The following MYH8 variants were observed in gnomAD, a reference collection of about 807,000 sequenced individuals.
The protein encoded by MYH8 is myosin-8.
MYH8 carries 168 observed loss-of-function variants against 233.2 expected under a neutral mutation model. The observed-to-expected ratio is 0.72, with a 90% CI of 0.64 to 0.82. The LOEUF (loss-of-function observed/expected upper bound fraction) is 0.82. Ranked by LOEUF, MYH8 falls within the 40% of genes least tolerant of loss-of-function variation. The probability of loss-of-function intolerance (pLI) is 0.00; values close to 1 mark genes in which losing one functional copy is unlikely to be tolerated. For synonymous variants in MYH8, 785 were observed against 850.6 expected (o/e 0.92, Z 1.34); for missense variants, 1,995 against 2,327.8 (o/e 0.86, Z 2.94).
chr17:10,392,185 C>T (rs1191466796), intron 38 of MYH8, among the ~76,000 whole-genome samples: 4 of 152,160 alleles, frequency 2.6e-5, no homozygotes, highest in Non-Finnish European at 5.9e-5. Flanking sequence ...ACATCCTCTC[C>T]AGTCCTTACC....
Position 10,409,178 on chromosome 17 carries a change from A to C in MYH8, c.1898-14T>G. 6.2e-7 allele frequency: 1 copy of C among 1,614,194 alleles called. No individual in the cohort carries two copies. ...TCGCGCTGCTATCTGAGGTAAAAAG[A>C]AAACCCGTGAATAAGAATAGAATAC... On this transcript the variant is annotated splice_polypyrimidine_tract_variant and intron_variant, in intron 16 of 39. Transcript: ENST00000403437.
At chr17:10,406,499 A>C in intron 19 of MYH8, 102 bp from the exon 20 acceptor site, 1 of 1,559,510 alleles carries the variant, frequency 6.4e-7, no homozygotes. Context: ...AGTAGAAATA[A>C]AAGTGGAAAA....
Position 10,404,476 on chromosome 17 carries a change from T to C in MYH8, c.2542A>G (p.Thr848Ala), listed in dbSNP as rs772137170. 3.1e-6 allele frequency: 5 copies of C among 1,614,080 alleles called. No individual in the cohort carries two copies. Among genetic ancestry groups the C allele is most frequent in the Non-Finnish European group, 4.2e-6 (5 of 1,179,972 alleles). ...KIKPLLKSAETEKEMATMKEE... is the reference protein window; with the variant it reads ...KIKPLLKSAEAEKEMATMKEE... ...TTCATGGTGGCCATCTCTTTCTCGG[T>C]CTCTGCACTCTTGAGGAGGGGCTTA... Residue 848 changes from threonine to alanine, a missense_variant, in exon 22 of 40, where the codon ACC (threonine) becomes GCC (alanine). Thr to Ala is a moderately conservative substitution (Grantham distance 58). Coordinates refer to ENST00000403437, the MANE Select transcript of MYH8 (RefSeq NM_002472.3).
chr17:10,403,122 A>C (rs1214717867), intron 22 of MYH8, among the ~76,000 whole-genome samples: 1 of 152,192 alleles, frequency 6.6e-6, no homozygotes, highest in Non-Finnish European at 1.5e-5. Flanking sequence ...TTAGGAAAAA[A>C]AAATAGAATG....
chr17:10,405,501 G>C (rs555268476), intron 21 of MYH8, among the ~76,000 whole-genome samples: 1 of 152,300 alleles, frequency 6.6e-6, no homozygotes, highest in Non-Finnish European at 1.5e-5. Flanking sequence ...TCCAGTGCAG[G>C]CCTAAATGAT....
Position 10,399,610 on chromosome 17 carries a change from C to G in MYH8, c.3795G>C (p.Lys1265Asn). ...LEDQVSELKTKEEEQQRLIND... is the reference protein window; with the variant it reads ...LEDQVSELKTNEEEQQRLIND... The stretch of plus-strand genomic sequence containing the variant: ...TGATCAGCCGCTGCTGCTCCTCTTC[C>G]TTGGTCTTAAGCTCACTCACTTGAT... Residue 1265 changes from lysine (K) to asparagine (N), a missense_variant, in exon 28 of 40, where the codon AAG (lysine) becomes AAC (asparagine). Physicochemically the swap from Lys to Asn is moderately conservative, Grantham distance 94. This residue lies in a region of MYH8 where 1,498 missense variants were observed against 1,680.9 expected (regional missense o/e 0.89). Transcript: ENST00000403437. The G allele has an allele frequency of 6.2e-7, 1 of 1,614,112 alleles. No homozygotes were observed.
At chr17:10,405,952 G>T in intron 21 of MYH8, 89 bp downstream of exon 21, 1 of 1,501,958 alleles carries the variant, frequency 6.7e-7, no homozygotes, top group Non-Finnish European at 9.2e-7. Context: ...GGAACTATTA[G>T]CCACCAAATG....
chr17:10,421,893 C>G (rs1443219621), intron 1 of MYH8, 37 bp downstream of exon 1: 1 of 152,106 alleles, frequency 6.6e-6, no homozygotes, highest in Non-Finnish European at 1.5e-5. Context: ...TTTTCCCCAC[C>G]TGGGGTTTTT....
chr17:10,398,904 A>C lies in MYH8; in HGVS notation c.3863-18T>G, dbSNP rs377374733. On this transcript the variant is annotated intron_variant, in intron 28 of 39. Coordinates refer to ENST00000403437, the MANE Select transcript of MYH8 (RefSeq NM_002472.3). ...ATATTCACCTAGGAATAATAGACATAAGGGAATTTTTTACTGGCATAAAAA... is the reference window on the plus strand; with the variant it reads ...ATATTCACCTAGGAATAATAGACATCAGGGAATTTTTTACTGGCATAAAAA... The C allele has an allele frequency of 1.9e-6, 3 of 1,598,118 alleles. No homozygotes were observed. The highest frequency in any genetic ancestry group is 1.3e-5 in the African/African-American group (1 of 74,590).
Position 10,417,745 on chromosome 17 carries a change from A to T in MYH8, c.511+900T>A, listed in dbSNP as rs2072301231. Reference sequence around the variant, plus strand: ...AGGTAGTTAGCTTCTGTTGACAATCAAAGAACAGTTTACTGGCATAGAATC... The same window carrying T: ...AGGTAGTTAGCTTCTGTTGACAATCTAAGAACAGTTTACTGGCATAGAATC... On this transcript the variant is annotated intron_variant, in intron 5 of 39. Coordinates refer to ENST00000403437, the MANE Select transcript of MYH8 (RefSeq NM_002472.3). This position sits in a 1 kb window ranked among gnomAD's most constrained non-coding sequence, Gnocchi z 4.1. Among the ~76,000 whole-genome samples the T allele has an allele frequency of 1.3e-5, 2 of 152,250 alleles. No individual in the cohort carries two copies. The highest frequency in any genetic ancestry group is 4.8e-5 in the African/African-American group (2 of 41,460).
Position 10,390,878 on chromosome 17 carries a change from A to C in MYH8, c.5665-275T>G, listed in dbSNP as rs28424174. Among the ~76,000 whole-genome samples the C allele has an allele frequency of 6.0e-3, 907 of 152,320 alleles. 8 individuals are homozygous for C. The highest frequency in any genetic ancestry group is 0.021 in the African/African-American group (871 of 41,584). ...GGAAAGGAGGAAGAGACCTATGTAC[A>C]CTTATAGACATCAGTAAGTAAATGT... On this transcript the variant is annotated intron_variant, in intron 39 of 39. Transcript: ENST00000403437.
At chr17:10,402,284 T>C (rs1045676436) in intron 22 of MYH8, among the ~76,000 whole-genome samples, 29 of 152,318 alleles carry the variant, frequency 1.9e-4, no homozygotes, top group African/African-American at 6.3e-4. Flanking sequence ...AAACCAATAA[T>C]TGCTAGGCTG....
At chr17:10,406,612 G>T in intron 19 of MYH8, 78 bp downstream of exon 19, 2 of 1,399,170 alleles carry the variant, frequency 1.4e-6, no homozygotes, top group Non-Finnish European at 2.0e-6. Context: ...ACCACCACAA[G>T]ACTATATTAT....
At position 10,400,566 on chromosome 17, in the gene MYH8, G is replaced by T. The variant is rs754967636; in HGVS notation, c.3559C>A (p.Gln1187Lys). The T allele has an allele frequency of 3.1e-6, 5 of 1,614,222 alleles. No individual in the cohort carries two copies. In the East Asian group the frequency reaches 1.1e-4, roughly 36 times the overall value. ...LRRDLEEATL[Q>K]HEAMVAALRK... is the part of the protein sequence containing the mutation. ...AGAGCAGCCACCATAGCTTCATGCT[G>T]CAGGGTGGCCTCCTCCAGGTCCCTG... Residue 1187 changes from glutamine (Q) to lysine (K), a missense_variant, in exon 27 of 40, where the codon CAG (glutamine) becomes AAG (lysine). Physicochemically the swap from Gln to Lys is moderately conservative, Grantham distance 53. Coordinates refer to ENST00000403437, the MANE Select transcript of MYH8 (RefSeq NM_002472.3). This position sits in a 1 kb window ranked among gnomAD's most constrained non-coding sequence, Gnocchi z 4.0.
chr17:10,418,634 C>G lies in MYH8; in HGVS notation c.511+11G>C, dbSNP rs775043246. 3.7e-6 allele frequency: 6 copies of G among 1,613,714 alleles called. No individual in the cohort carries two copies. The highest frequency in any genetic ancestry group is 4.2e-6 in the Non-Finnish European group (5 of 1,179,874). On this transcript the variant is annotated intron_variant, in intron 5 of 39. Coordinates refer to ENST00000403437, the MANE Select transcript of MYH8 (RefSeq NM_002472.3). Reference sequence around the variant, plus strand: ...TACACATTTCTGTAAATAGATGCCTCACTCACTCACCAGTCAACATGAACT... The same window carrying G: ...TACACATTTCTGTAAATAGATGCCTGACTCACTCACCAGTCAACATGAACT...
At chr17:10,406,238 G>A (rs1382743314) in intron 20 of MYH8, 36 bp downstream of exon 20, 4 of 1,614,066 alleles carry the variant, frequency 2.5e-6, no homozygotes, top group Admixed American at 3.3e-5. Flanking sequence ...AATGGCAGAA[G>A]GTACTTGGAT....
At chr17:10,411,291 G>A (rs1387958168) in intron 14 of MYH8, among the ~76,000 whole-genome samples, 1 of 151,730 alleles carries the variant, frequency 6.6e-6, no homozygotes, top group African/African-American at 2.4e-5. Context: ...CAGGAAAATT[G>A]CTTGAACCCT....
intron 22 of MYH8, 39 bp downstream of exon 22, chr17:10,404,291 C>T: frequency 1.9e-6 from 3 of 1,613,064 alleles, no homozygotes; most frequent in Non-Finnish European, 2.5e-6. Context: ...TTCAAAAAAG[C>T]TTCAGTAACA....
intron 12 of MYH8, among the ~76,000 whole-genome samples, chr17:10,413,571 G>A (rs1013336065): frequency 1.3e-5 from 2 of 152,128 alleles, no homozygotes; most frequent in Non-Finnish European, 2.9e-5. Flanking sequence ...TTCCTATCTA[G>A]TGCTGAAATA....
Sources: allele counts gnomAD v4.1 joint callset (sites outside exome capture counted in the v4.1 genomes callset), GRCh38; gene constraint gnomAD v4.1.1; regional missense constraint gnomAD v4.1.1; non-coding constraint Gnocchi (gnomAD v3.1); transcripts MANE v1.5; gene names NCBI Gene and HGNC (gene_info 2026-07-23, HGNC 2026-07-21).